The following SPIRE1 variants were observed in gnomAD, a reference collection of about 807,000 sequenced individuals.
The protein encoded by SPIRE1 is spire type actin nucleation factor 1.
SPIRE1 carries 40 observed loss-of-function variants against 94.1 expected under a neutral mutation model. The ratio of observed to expected loss-of-function variants is 0.43; its 90% CI spans 0.33 to 0.55. SPIRE1 has a LOEUF of 0.55. Among genes scored for constraint, SPIRE1 ranks in the 20% least tolerant of loss-of-function variants. The pLI is 0.06. For synonymous variants in SPIRE1, 376 were observed against 371.7 expected (o/e 1.01, Z -0.13); for missense variants, 838 against 975.2 (o/e 0.86, Z 1.87).
At chr18:12,579,394 AATT>A (rs2144524079) in intron 2 of SPIRE1, among the ~76,000 whole-genome samples, 1 of 152,310 alleles carries the variant, frequency 6.6e-6, no homozygotes, top group Non-Finnish European at 1.5e-5. Flanking sequence ...ACTAAAAGGC[AATT>A]ATTATATGAT....
intron 2 of SPIRE1, among the ~76,000 whole-genome samples, chr18:12,588,044 T>C (rs2036435366): frequency 6.6e-6 from 1 of 152,186 alleles, no homozygotes; most frequent in Non-Finnish European, 1.5e-5. Context: ...CCTAGCTTTA[T>C]AGATTTACCT....
intron 2 of SPIRE1, among the ~76,000 whole-genome samples, chr18:12,623,541 G>C (rs1200831775): frequency 1.3e-5 from 2 of 152,108 alleles, no homozygotes; most frequent in African/African-American, 4.8e-5. Context: ...GATCCCATCC[G>C]CATTGCATTA....
At position 12,645,322 on chromosome 18, in the gene SPIRE1, A is replaced by C. The variant is rs62095971; in HGVS notation, c.338-10226T>G. Among the ~76,000 whole-genome samples the C allele has an allele frequency of 3.0e-3, 460 of 152,232 alleles. 4 individuals carry two copies. Among genetic ancestry groups the C allele is most frequent in the South Asian group, 9.1e-3 (44 of 4,818 alleles). On this transcript the variant is annotated intron_variant, in intron 1 of 16. Transcript: ENST00000409402. ...GCTTGGTGGGAATCAACATGACTCC[A>C]CAGGAAAAAATATTTTCCAGGCCAA...
At chr18:12,557,756 T>C (rs1479444208) in intron 2 of SPIRE1, among the ~76,000 whole-genome samples, 1 of 151,368 alleles carries the variant, frequency 6.6e-6, no homozygotes, top group African/African-American at 2.4e-5. Context: ...ATACAAATAC[T>C]ACAACTATAT....
intron 4 of SPIRE1, among the ~76,000 whole-genome samples, chr18:12,521,460 A>G (rs1419092503): frequency 6.6e-6 from 1 of 151,716 alleles, no homozygotes; most frequent in Non-Finnish European, 1.5e-5. Flanking sequence ...CAGCCTCCCG[A>G]GTAGCTGGGA....
chr18:12,627,044 G>A (rs1466667573), intron 2 of SPIRE1, among the ~76,000 whole-genome samples: 1 of 151,606 alleles, frequency 6.6e-6, no homozygotes, highest in Non-Finnish European at 1.5e-5. Flanking sequence ...TTGCTTCAGA[G>A]GTGGACAGAG....
In SPIRE1 at chr18:12,546,761, C is replaced by T. The variant is rs757190097; in HGVS notation, c.516G>A (p.Glu172=). 6.2e-7 allele frequency: 1 copy of T among 1,613,956 alleles called. No homozygotes were observed. Among genetic ancestry groups the T allele is most frequent in the Non-Finnish European group, 8.5e-7 (1 of 1,180,018 alleles). ...GGCCTTCTTCTGCAGCCTCATAGCC[C>T]TCATCATTGCTACCGTCAGCTTCCA... ...NTVEADGSND[E]GYEAAEEGLG... Residue 172 remains glutamate (E), a synonymous_variant, in exon 3 of 17, where the codon GAG becomes GAA. Transcript: ENST00000409402.
At chr18:12,524,690 C>T (rs566526077) in intron 4 of SPIRE1, among the ~76,000 whole-genome samples, 1 of 152,186 alleles carries the variant, frequency 6.6e-6, no homozygotes, top group South Asian at 2.1e-4. Context: ...AAAGTAATAA[C>T]AGGCAAGGCA....
chr18:12,546,964 G>T, intron 2 of SPIRE1, 60 bp from the exon 3 acceptor site: 1 of 1,160,770 alleles, frequency 8.6e-7, no homozygotes, highest in Non-Finnish European at 1.2e-6. Flanking sequence ...AGGACTAATT[G>T]TGAGGCATAA....
chr18:12,641,025 C>T (rs2038069142), intron 1 of SPIRE1, among the ~76,000 whole-genome samples: 1 of 152,086 alleles, frequency 6.6e-6, no homozygotes, highest in Non-Finnish European at 1.5e-5. Context: ...TGCAGCACTA[C>T]ACGCGGGCGG....
At chr18:12,631,737 C>T (rs1391873673) in intron 2 of SPIRE1, among the ~76,000 whole-genome samples, 12 of 152,144 alleles carry the variant, frequency 7.9e-5, no homozygotes, top group Admixed American at 6.5e-4. Flanking sequence ...TCATGGCGCA[C>T]GCCTGTAGTC....
chr18:12,557,557 G>A (rs1033424118), intron 2 of SPIRE1, among the ~76,000 whole-genome samples: 17 of 152,078 alleles, frequency 1.1e-4, no homozygotes, highest in Non-Finnish European at 1.8e-4. Context: ...AGAGGGAGCC[G>A]GCTCCAGCCT....
chr18:12,478,612 T>C (rs913495530), intron 10 of SPIRE1, among the ~76,000 whole-genome samples: 2 of 151,480 alleles, frequency 1.3e-5, no homozygotes, highest in African/African-American at 4.9e-5. Context: ...AGCTAGGGTG[T>C]GTGTGTGCGC....
intron 7 of SPIRE1, among the ~76,000 whole-genome samples, chr18:12,494,775 C>G (rs1425008976): frequency 7.4e-6 from 1 of 134,354 alleles, no homozygotes; most frequent in Admixed American, 8.2e-5. Context: ...GGAGGTGGAG[C>G]TTGCAGTGAG....
At chr18:12,509,965 A>G (rs888756313) in intron 5 of SPIRE1, among the ~76,000 whole-genome samples, 102 of 152,088 alleles carry the variant, frequency 6.7e-4, no homozygotes, top group Non-Finnish European at 8.7e-4. Context: ...CGCACCTGTA[A>G]TCCCAGCTAC....
intron 2 of SPIRE1, among the ~76,000 whole-genome samples, chr18:12,595,766 TGGTGA>T (rs2036654805): frequency 6.6e-6 from 1 of 152,246 alleles, no homozygotes; most frequent in Admixed American, 6.5e-5. Context: ...ATGTGTGCTG[TGGTGA>T]GGTAACTGTT....
chr18:12,527,500 G>T (rs189638507), intron 4 of SPIRE1, among the ~76,000 whole-genome samples: 51 of 152,256 alleles, frequency 3.3e-4, no homozygotes, highest in African/African-American at 1.2e-3. Flanking sequence ...GCTTAGAGCT[G>T]CTGCAGAAGG....
At chr18:12,509,631 T>C (rs538444550) in intron 5 of SPIRE1, among the ~76,000 whole-genome samples, 12 of 152,182 alleles carry the variant, frequency 7.9e-5, no homozygotes, top group Non-Finnish European at 1.6e-4. Context: ...ATTAAGAATA[T>C]TGCAAACAAG....
chr18:12,615,345 A>AAAAAAATATATATATAT, intron 2 of SPIRE1, among the ~76,000 whole-genome samples: 2 of 17,244 alleles, frequency 1.2e-4, no homozygotes, highest in African/African-American at 2.4e-4. Context: ...AAAAAAAAAA[A>AAAAAAATATATATATAT]ATATATATAT....
Sources: allele counts gnomAD v4.1 joint callset (sites outside exome capture counted in the v4.1 genomes callset), GRCh38; gene constraint gnomAD v4.1.1; transcripts MANE v1.5; gene names NCBI Gene and HGNC (gene_info 2026-07-23, HGNC 2026-07-21).